TASP1: variants seen among roughly 807,000 people sequenced by gnomAD.
The protein encoded by TASP1 is taspase 1.
Under a neutral mutation model 56.6 loss-of-function variants are expected in TASP1, and 16 were observed. The ratio of observed to expected loss-of-function variants is 0.28; its 90% CI spans 0.19 to 0.43. The LOEUF is 0.43. Ranked by LOEUF, TASP1 falls within the 20% of genes least tolerant of loss-of-function variation. The pLI is 1.00. For missense variants in TASP1, 393 were observed against 511.6 expected, an observed-to-expected ratio of 0.77 and a Z score of 2.24; for synonymous variants, 179 against 184.2, an observed-to-expected ratio of 0.97 and a Z score of 0.23.
the TASP1 span, among the ~76,000 whole-genome samples, chr20:13,317,297 AAAG>A: frequency 0.12 from 17,808 of 151,966 alleles, 1,492 homozygotes; most frequent in Non-Finnish European, 0.18. Flanking sequence ...GAGAGAAATC[AAAG>A]AAGTAAATAA....
chr20:13,240,206 G>T, the TASP1 span, among the ~76,000 whole-genome samples: 2 of 152,330 alleles, frequency 1.3e-5, no homozygotes, highest in Non-Finnish European at 2.9e-5. Context: ...CTAGGCACTG[G>T]AGATTCAATA....
At chr20:13,613,154 A>G (rs1212547392) in intron 4 of TASP1, among the ~76,000 whole-genome samples, 1 of 152,224 alleles carries the variant, frequency 6.6e-6, no homozygotes, top group Non-Finnish European at 1.5e-5. Flanking sequence ...TCTGCAACAT[A>G]GAAGCCACAA....
At chr20:13,152,832 C>A in the TASP1 span, among the ~76,000 whole-genome samples, 2 of 152,172 alleles carry the variant, frequency 1.3e-5, no homozygotes, top group Non-Finnish European at 2.9e-5. Context: ...AAGGCACAAT[C>A]TGGGGCCATT....
the TASP1 span, among the ~76,000 whole-genome samples, chr20:13,374,349 ATTTT>A: frequency 2.8e-5 from 4 of 142,274 alleles, no homozygotes; most frequent in Admixed American, 7.0e-5. Flanking sequence ...CTGTCTCGTA[ATTTT>A]TTTTTTTTTT....
chr20:13,448,666 G>A (rs1029612623), intron 11 of TASP1, among the ~76,000 whole-genome samples: 15 of 152,038 alleles, frequency 9.9e-5, no homozygotes, highest in African/African-American at 2.9e-4. Flanking sequence ...TAAAAGGATC[G>A]CTTATGCCTT....
At chr20:13,321,253 T>TAAAAAAAAAAA in the TASP1 span, among the ~76,000 whole-genome samples, 6 of 57,516 alleles carry the variant, frequency 1.0e-4, no homozygotes, top group Non-Finnish European at 1.6e-4. Flanking sequence ...GTGCCCCACA[T>TAAAAAAAAAAA]AAAAAAAAAA....
chr20:13,186,640 T>C, the TASP1 span, among the ~76,000 whole-genome samples: 20 of 152,272 alleles, frequency 1.3e-4, no homozygotes, highest in African/African-American at 4.8e-4. Flanking sequence ...GACAATATAT[T>C]ACAGCTGACA....
intron 8 of TASP1, among the ~76,000 whole-genome samples, chr20:13,539,858 T>C (rs941718293): frequency 6.6e-6 from 1 of 152,232 alleles, no homozygotes; most frequent in African/African-American, 2.4e-5. Flanking sequence ...GTTTTTAAGA[T>C]AATCTTTTAA....
chr20:13,470,056 G>A lies in TASP1; in HGVS notation c.985+13171C>T, dbSNP rs752086541. Among the ~76,000 whole-genome samples the A allele has an allele frequency of 5.3e-5, 8 of 151,738 alleles. No homozygotes were observed. In the South Asian group the frequency reaches 8.4e-4, roughly 16 times the overall value. On this transcript the variant is annotated intron_variant, in intron 11 of 13. Transcript: ENST00000337743. The stretch of plus-strand genomic sequence containing the variant: ...ACTCCTGACCTCAAATGATCTGCCT[G>A]CTTTGGTTTCTAAATGTGATTTTTA...
chr20:13,606,153 G>A (rs1034822813), intron 4 of TASP1, among the ~76,000 whole-genome samples: 1 of 152,182 alleles, frequency 6.6e-6, no homozygotes, highest in African/African-American at 2.4e-5. Flanking sequence ...GTGTGTGTGT[G>A]TGTAGATGCA....
chr20:13,133,507 G>A, the TASP1 span, among the ~76,000 whole-genome samples: 2 of 152,230 alleles, frequency 1.3e-5, no homozygotes, highest in Non-Finnish European at 2.9e-5. Context: ...GCTGTGGTGA[G>A]TGGATCACTT....
At chr20:13,510,471 T>A (rs1348647507) in intron 10 of TASP1, among the ~76,000 whole-genome samples, 2 of 152,180 alleles carry the variant, frequency 1.3e-5, no homozygotes, top group African/African-American at 2.4e-5. Flanking sequence ...TATATTTGAT[T>A]TTTCAAAACA....
At chr20:13,363,514 GT>G in the TASP1 span, among the ~76,000 whole-genome samples, 1 of 152,152 alleles carries the variant, frequency 6.6e-6, no homozygotes. Flanking sequence ...GCTTTCCTGA[GT>G]TCTGTGACTC....
chr20:13,623,348 A>G (rs1344237264), intron 4 of TASP1, 98 bp downstream of exon 4: 1 of 966,260 alleles, frequency 1.0e-6, no homozygotes, highest in African/African-American at 1.6e-5. Flanking sequence ...AACACTGCTC[A>G]TATAATTTAT....
chr20:13,220,808 G>A, the TASP1 span, among the ~76,000 whole-genome samples: 1 of 152,216 alleles, frequency 6.6e-6, no homozygotes, highest in Non-Finnish European at 1.5e-5. Context: ...GGCTTGTCCG[G>A]CGCCCCCTCC....
the TASP1 span, among the ~76,000 whole-genome samples, chr20:13,357,565 T>A: frequency 6.6e-6 from 1 of 152,210 alleles, no homozygotes; most frequent in African/African-American, 2.4e-5. Flanking sequence ...GGAAGATCAA[T>A]TACTCTGCAA....
At chr20:13,278,202 C>T in the TASP1 span, among the ~76,000 whole-genome samples, 2 of 152,202 alleles carry the variant, frequency 1.3e-5, no homozygotes, top group East Asian at 1.9e-4. Flanking sequence ...AGTCTCTCTA[C>T]GTTGATTGTC....
intron 7 of TASP1, among the ~76,000 whole-genome samples, chr20:13,560,994 A>G (rs2046326781): frequency 6.6e-6 from 1 of 152,232 alleles, no homozygotes; most frequent in African/African-American, 2.4e-5. Flanking sequence ...GGGATCCCCA[A>G]TAATATTATA....
chr20:13,484,348 A>C (rs1030409424), intron 10 of TASP1, among the ~76,000 whole-genome samples: 2 of 152,216 alleles, frequency 1.3e-5, no homozygotes, highest in African/African-American at 4.8e-5. Flanking sequence ...CTATAAAGAC[A>C]CATGCACCCG....
Sources: allele counts gnomAD v4.1 joint callset (sites outside exome capture counted in the v4.1 genomes callset), GRCh38; gene constraint gnomAD v4.1.1; transcripts MANE v1.5; gene names NCBI Gene and HGNC (gene_info 2026-07-23, HGNC 2026-07-21).